Variants in TGM6 observed in about 807,000 individuals in gnomAD.
TGM6 encodes protein-glutamine gamma-glutamyltransferase 6.
Under a neutral mutation model 77.5 loss-of-function variants are expected in TGM6, and 74 were observed. That is an observed-to-expected ratio of 0.96 (90% CI 0.79 to 1.16). TGM6 has a LOEUF of 1.16. Ranked by LOEUF, TGM6 falls within the 50% of genes most tolerant of loss-of-function variation. TGM6 has a pLI of 0.00. For missense variants in TGM6, 968 were observed against 940.2 expected, an observed-to-expected ratio of 1.03 and a Z score of -0.39; for synonymous variants, 383 against 378.9, an observed-to-expected ratio of 1.01 and a Z score of -0.12.
chr20:2,426,488 A>C (rs931097820), intron 10 of TGM6, among the ~76,000 whole-genome samples: 1 of 152,088 alleles, frequency 6.6e-6, no homozygotes, highest in Non-Finnish European at 1.5e-5. Context: ...CTTCCTTCCC[A>C]ATCTGTATAC....
intron 2 of TGM6, 102 bp downstream of exon 2, chr20:2,394,727 G>A: frequency 7.5e-7 from 1 of 1,326,322 alleles, no homozygotes. Context: ...AGGCTCTGGG[G>A]GAAGCAAGTC....
chr20:2,400,388 CA>C lies in TGM6; in HGVS notation c.936del (p.Lys312AsnfsTer13). On this transcript the variant is annotated frameshift_variant, in exon 7 of 13. Transcript: ENST00000202625. LOFTEE classifies it high-confidence loss of function. ...HDTDQNLSVDKYVDSFGRTLE... is the reference protein window; with the variant it reads ...HDTDQNLSVDXYVDSFGRTLE... ...ACACAGACCAGAACCTGAGTGTGGA[CA>C]AATACGTGGACTCCTTCGGGCGGAC... 1 of 1,614,220 alleles carries C rather than the reference CA, an allele frequency of 6.2e-7. No homozygotes were observed. Among genetic ancestry groups the C allele is most frequent in the Non-Finnish European group, 8.5e-7 (1 of 1,180,048 alleles).
In TGM6 at chr20:2,417,280, T is replaced by C. The variant is rs377418594; in HGVS notation, c.1385T>C (p.Phe462Ser). The C allele has an allele frequency of 9.3e-6, 15 of 1,610,950 alleles. No homozygotes were observed. In the African/African-American group the frequency reaches 1.9e-4, roughly 20 times the overall value. Residue 462 changes from phenylalanine to serine, a missense_variant, in exon 10 of 13, where the codon TTC becomes TCC. By Grantham distance (155) the Phe-to-Ser change is radical (BLOSUM62 -2). Coordinates refer to ENST00000202625, the MANE Select transcript of TGM6 (RefSeq NM_198994.3). ...TACAGCAAGGCGGTGAACAGGCTGT[T>C]CGGCGTGGAAGCCTCTGGAAGGAGA... The part of the protein sequence containing the change: ...QVYSKAVNRL[F>S]GVEASGRRIW...
At chr20:2,415,400 G>T (rs2084809138) in intron 9 of TGM6, among the ~76,000 whole-genome samples, 1 of 152,136 alleles carries the variant, frequency 6.6e-6, no homozygotes, top group Non-Finnish European at 1.5e-5. Context: ...AACTGGAATG[G>T]GATGGATCCT....
chr20:2,428,926 T>A (rs186440229), intron 10 of TGM6, among the ~76,000 whole-genome samples: 1 of 152,180 alleles, frequency 6.6e-6, no homozygotes, highest in East Asian at 1.9e-4. Flanking sequence ...TAGGTTCAAG[T>A]AATTCTCCTG....
intron 1 of TGM6, among the ~76,000 whole-genome samples, chr20:2,394,183 A>G (rs1404851577): frequency 1.3e-5 from 2 of 152,114 alleles, no homozygotes; most frequent in African/African-American, 4.8e-5. Context: ...AGTTCCAGCT[A>G]CTCGGGAGGC....
intron 12 of TGM6, among the ~76,000 whole-genome samples, chr20:2,431,841 T>G (rs951594495): frequency 6.6e-6 from 1 of 152,080 alleles, no homozygotes; most frequent in African/African-American, 2.4e-5. Flanking sequence ...ATGGCTGGTG[T>G]TGTCAGGGAA....
intron 5 of TGM6, among the ~76,000 whole-genome samples, chr20:2,398,353 T>C (rs1002453226): frequency 3.3e-5 from 5 of 152,180 alleles, no homozygotes; most frequent in Non-Finnish European, 5.9e-5. Flanking sequence ...GCTTTGGTTC[T>C]GGTGGTTGGC....
In TGM6 at chr20:2,398,555, A is replaced by G. The variant is rs1047316265; in HGVS notation, c.672+509A>G. On this transcript the variant is annotated intron_variant, in intron 5 of 12. Coordinates refer to ENST00000202625, the MANE Select transcript of TGM6 (RefSeq NM_198994.3). ...CAATATGGCAGTTTCATGCATAGCA[A>G]TGGCTCCCCACCCCCACCTCCCTGC... Among the ~76,000 whole-genome samples the G allele has an allele frequency of 2.0e-5, 3 of 152,240 alleles. No homozygotes were observed. The East Asian group carries it at 5.8e-4, about 29-fold the overall frequency.
chr20:2,392,756 A>G (rs933120037), intron 1 of TGM6, among the ~76,000 whole-genome samples: 4 of 152,190 alleles, frequency 2.6e-5, no homozygotes, highest in South Asian at 4.1e-4. Context: ...ACAAAAAATT[A>G]GCTGAGTATG....
intron 1 of TGM6, among the ~76,000 whole-genome samples, chr20:2,393,429 G>A (rs145472310): frequency 1.7e-3 from 266 of 152,256 alleles, no homozygotes; most frequent in African/African-American, 6.0e-3. Context: ...GGAAAGCTGC[G>A]ACACGCCTTA....
At chr20:2,388,628 CA>C (rs551263948) in intron 1 of TGM6, among the ~76,000 whole-genome samples, 3 of 149,952 alleles carry the variant, frequency 2.0e-5, no homozygotes, top group South Asian at 4.2e-4. Context: ...AACAAACAAA[CA>C]AAAAAAAACA....
chr20:2,386,475 G>GAGCAAAAGAA (rs2084596897), intron 1 of TGM6, among the ~76,000 whole-genome samples: 2 of 152,138 alleles, frequency 1.3e-5, no homozygotes, highest in African/African-American at 4.8e-5. Context: ...TGTGTTCTAT[G>GAGCAAAAGAA]GGGTTAATGG....
chr20:2,385,055 G>T (rs754212324), intron 1 of TGM6, among the ~76,000 whole-genome samples: 10 of 152,218 alleles, frequency 6.6e-5, no homozygotes, highest in Non-Finnish European at 1.0e-4. Context: ...CAGTGGGTGA[G>T]CTACCTCTCA....
At chr20:2,431,805 G>C (rs974212853) in intron 12 of TGM6, among the ~76,000 whole-genome samples, 1 of 152,220 alleles carries the variant, frequency 6.6e-6, no homozygotes, top group African/African-American at 2.4e-5. Flanking sequence ...CGGTTTGCCA[G>C]GCAAAGGTCT....
intron 1 of TGM6, among the ~76,000 whole-genome samples, chr20:2,383,300 A>G (rs1224079735): frequency 6.6e-6 from 1 of 152,034 alleles, no homozygotes; most frequent in Non-Finnish European, 1.5e-5. Context: ...ATTGGGGAGG[A>G]TTGTATCATT....
chr20:2,400,323 A>G lies in TGM6; in HGVS notation c.868A>G (p.Ile290Val). Residue 290 changes from isoleucine to valine, a missense_variant, in exon 7 of 13, where the codon ATA becomes GTA. By Grantham distance (29) the Ile-to-Val change is conservative. Transcript: ENST00000202625. ...CTCTGCAGTCCTCAGGTGCTTGGGG[A>G]TAGCCACACGGGTCGTGTCCAACTT... ...VLCTVLRCLGIATRVVSNFNS... is the reference protein window; with the variant it reads ...VLCTVLRCLGVATRVVSNFNS... 6.2e-7 allele frequency: 1 copy of G among 1,614,174 alleles called. No homozygotes were observed. Among genetic ancestry groups the G allele is most frequent in the African/African-American group, 1.3e-5 (1 of 75,040 alleles).
intron 10 of TGM6, among the ~76,000 whole-genome samples, chr20:2,419,380 G>A (rs1472234827): frequency 6.6e-6 from 1 of 152,176 alleles, no homozygotes; most frequent in East Asian, 1.9e-4. Context: ...TGAAGGAGGT[G>A]TCACACTTTT....
chr20:2,432,427 C>T, intron 12 of TGM6, 63 bp from the exon 13 acceptor site: 1 of 1,603,844 alleles, frequency 6.2e-7, no homozygotes, highest in Middle Eastern at 2.1e-4. Context: ...CGTGGATTGG[C>T]AGGCCAGACT....
Sources: allele counts gnomAD v4.1 joint callset (sites outside exome capture counted in the v4.1 genomes callset), GRCh38; gene constraint gnomAD v4.1.1; transcripts MANE v1.5; gene names NCBI Gene and HGNC (gene_info 2026-07-23, HGNC 2026-07-21).